Variants in PLEKHH1 observed in about 807,000 individuals in gnomAD.
The protein encoded by PLEKHH1 is pleckstrin homology domain-containing family H member 1.
In PLEKHH1, 104 loss-of-function variants were observed where a neutral mutation model predicts 160.0. The observed-to-expected ratio is 0.65, with a 90% CI of 0.55 to 0.76. The LOEUF (loss-of-function observed/expected upper bound fraction) is 0.76. Among genes scored for constraint, PLEKHH1 ranks in the 30% least tolerant of loss-of-function variants. The pLI, the probability that PLEKHH1 is intolerant of heterozygous loss-of-function variation, is 0.00. For missense variants in PLEKHH1, 1,427 were observed against 1,724.1 expected (o/e 0.83, Z 3.05); for synonymous variants, 619 against 678.4 (o/e 0.91, Z 1.36).
rs557290101 is a variant in PLEKHH1, at chr14:67,576,936, C to T, written c.2462-366C>T. 2.0e-5 allele frequency among the ~76,000 whole-genome samples: 3 copies of T among 152,280 alleles called. No individual in the cohort carries two copies. In the South Asian group the frequency reaches 6.2e-4, roughly 32 times the overall value. On this transcript the variant is annotated intron_variant, in intron 17 of 28. Coordinates refer to ENST00000329153, the MANE Select transcript of PLEKHH1 (RefSeq NM_020715.3). This position sits in a 1 kb window ranked among gnomAD's most constrained non-coding sequence, Gnocchi z 4.0. Reference sequence around the variant, plus strand: ...AGGAACTAATTAATGGCATATACCACACACACCCCTTTACTACTGCTCTGA... The same window carrying T: ...AGGAACTAATTAATGGCATATACCATACACACCCCTTTACTACTGCTCTGA...
chr14:67,563,797 G>A (rs1182420612), intron 7 of PLEKHH1, among the ~76,000 whole-genome samples: 6 of 149,016 alleles, frequency 4.0e-5, no homozygotes, highest in African/African-American at 1.5e-4. Flanking sequence ...GCAGTAGCAC[G>A]GTCTCGGCTC....
At position 67,552,479 on chromosome 14, in the gene PLEKHH1, A is replaced by G. The variant is rs141133361; in HGVS notation, c.127-3346A>G. ...CAAGTGTCCTTGCAGGGTGGATAAGAAGGACTGGCTGGGTGCGGTGGCTCA... is the reference window on the plus strand; with the variant it reads ...CAAGTGTCCTTGCAGGGTGGATAAGGAGGACTGGCTGGGTGCGGTGGCTCA... On this transcript the variant is annotated intron_variant, in intron 2 of 28. Coordinates refer to ENST00000329153, the MANE Select transcript of PLEKHH1 (RefSeq NM_020715.3). Among the ~76,000 whole-genome samples, 1,401 of 152,316 alleles carry G rather than the reference A, an allele frequency of 9.2e-3. 27 individuals are homozygous for G. The highest frequency in any genetic ancestry group is 0.032 in the African/African-American group (1,346 of 41,570).
chr14:67,579,985 C>T lies in PLEKHH1; in HGVS notation c.3183+109C>T, dbSNP rs2035815302. ...TGACTGTTTGGTAGCTCATTTGGTG[C>T]TGAGCCCAAGGTGCTGCCCTAGTCA... On this transcript the variant is annotated intron_variant, in intron 22 of 28. Coordinates refer to ENST00000329153, the MANE Select transcript of PLEKHH1 (RefSeq NM_020715.3). 2.8e-6 allele frequency: 3 copies of T among 1,083,336 alleles called. No homozygotes were observed. In the African/African-American group the frequency reaches 4.7e-5, roughly 17 times the overall value. The allele number at this position is 1,083,336 out of a possible 1,614,324, so 67.1% of individuals were successfully genotyped here. A position where few individuals can be genotyped will look rare whatever the true frequency, so the allele number is the denominator to read the frequency against.
chr14:67,555,237 A>T (rs1350876047), intron 2 of PLEKHH1, among the ~76,000 whole-genome samples: 1 of 152,206 alleles, frequency 6.6e-6, no homozygotes, highest in African/African-American at 2.4e-5. Flanking sequence ...GAATTTTGAA[A>T]AATGTATCTT....
At chr14:67,555,787 A>G (rs776581937) in intron 2 of PLEKHH1, 38 bp from the exon 3 acceptor site, 2 of 1,610,280 alleles carry the variant, frequency 1.2e-6, no homozygotes, top group Admixed American at 1.7e-5. Flanking sequence ...CAGTAGGGAC[A>G]TGGCACCTAC....
Position 67,582,262 on chromosome 14 carries a change from T to G in PLEKHH1, c.3426+52T>G. 6.2e-7 allele frequency: 1 copy of G among 1,611,842 alleles called. No homozygotes were observed. The highest frequency in any genetic ancestry group is 8.5e-7 in the Non-Finnish European group (1 of 1,179,500). On this transcript the variant is annotated intron_variant, in intron 24 of 28. Transcript: ENST00000329153. This position sits in a 1 kb window ranked among gnomAD's most constrained non-coding sequence, Gnocchi z 5.0. Reference sequence around the variant, plus strand: ...GGTCGGGTTGCCAGCTTAGAATGAATGCACCATGCAGCCTGAAACACAGGA... The same window carrying G: ...GGTCGGGTTGCCAGCTTAGAATGAAGGCACCATGCAGCCTGAAACACAGGA...
In PLEKHH1 at chr14:67,588,728, GTA is replaced by G. The variant is rs2036271257; in HGVS notation, c.*1497_*1498del. 1 of 152,564 alleles carries G rather than the reference GTA, an allele frequency of 6.6e-6. No homozygotes were observed. The highest frequency in any genetic ancestry group is 1.9e-4 in the East Asian group (1 of 5,198). The allele number at this position is 152,564 out of a possible 1,614,324, so 9.5% of individuals were successfully genotyped here. A position where few individuals can be genotyped will look rare whatever the true frequency, so the allele number is the denominator to read the frequency against. On this transcript the variant is annotated 3_prime_UTR_variant, in exon 29 of 29. Coordinates refer to ENST00000329153, the MANE Select transcript of PLEKHH1 (RefSeq NM_020715.3). ...ATATGTCAGTAAAGTGCTGAAAACTGTATATTTAGCAGTAGCACCCAAAACCA... is the reference window on the plus strand; with the variant it reads ...ATATGTCAGTAAAGTGCTGAAAACTGTATTTAGCAGTAGCACCCAAAACCA...
chr14:67,557,918 G>C (rs2034659603), intron 4 of PLEKHH1, among the ~76,000 whole-genome samples: 1 of 152,222 alleles, frequency 6.6e-6, no homozygotes, highest in African/African-American at 2.4e-5. Context: ...GAGCTGCACA[G>C]AGCTGGATGG....
At chr14:67,569,414 C>T (rs1218904365) in intron 8 of PLEKHH1, among the ~76,000 whole-genome samples, 198 bp downstream of exon 8, 1 of 152,202 alleles carries the variant, frequency 6.6e-6, no homozygotes, top group African/African-American at 2.4e-5. Flanking sequence ...AGGTTCAGCC[C>T]ATCACAGGAA....
intron 1 of PLEKHH1, among the ~76,000 whole-genome samples, chr14:67,541,505 GA>G (rs1458101829): frequency 6.6e-6 from 1 of 152,236 alleles, no homozygotes; most frequent in Non-Finnish European, 1.5e-5. Flanking sequence ...CTGTTTAATG[GA>G]TAAGTTTGTT....
chr14:67,589,542 G>A lies in PLEKHH1; in HGVS notation c.*2307G>A, dbSNP rs1337481998. 1.0e-6 allele frequency: 1 copy of A among 985,360 alleles called. No homozygotes were observed. Among genetic ancestry groups the A allele is most frequent in the Non-Finnish European group, 1.2e-6 (1 of 829,870 alleles). The allele number at this position is 985,360 out of a possible 1,614,324, so 61.0% of individuals were successfully genotyped here. A position where few individuals can be genotyped will look rare whatever the true frequency, so the allele number is the denominator to read the frequency against. ...AGCTATCTGTGAACCAGGTAACTGT[G>A]TGTTTTGGAAGATCTGTTTATTAAC... is the stretch of plus-strand genomic sequence containing the variant. On this transcript the variant is annotated 3_prime_UTR_variant, in exon 29 of 29. Coordinates refer to ENST00000329153, the MANE Select transcript of PLEKHH1 (RefSeq NM_020715.3).
At position 67,578,360 on chromosome 14, in the gene PLEKHH1, G is replaced by T. The variant is rs1447318983; in HGVS notation, c.2751+161G>T. ...AGTACGGCTGAGCTGTCTATGCACA[G>T]ATGGGTGATTGCATTCTGGACACAG... On this transcript the variant is annotated intron_variant, in intron 19 of 28. Coordinates refer to ENST00000329153, the MANE Select transcript of PLEKHH1 (RefSeq NM_020715.3). This position sits in a 1 kb window ranked among gnomAD's most constrained non-coding sequence, Gnocchi z 5.0. Among the ~76,000 whole-genome samples the T allele has an allele frequency of 6.6e-6, 1 of 152,212 alleles. No individual in the cohort carries two copies. The highest frequency in any genetic ancestry group is 1.5e-5 in the Non-Finnish European group (1 of 68,038).
At chr14:67,533,594 G>T (rs1411037516) in intron 1 of PLEKHH1, 196 bp downstream of exon 1, 2 of 152,148 alleles carry the variant, frequency 1.3e-5, no homozygotes, top group Non-Finnish European at 2.9e-5. Context: ...CGCCCCAGGG[G>T]ACTCGCGCCG....
At chr14:67,570,133 G>A in intron 9 of PLEKHH1, 121 bp downstream of exon 9, 2 of 763,662 alleles carry the variant, frequency 2.6e-6, no homozygotes, top group East Asian at 2.7e-5. Flanking sequence ...TGCCCAGGGA[G>A]CTGAGCCCAG....
Position 67,573,536 on chromosome 14 carries a change from A to G in PLEKHH1, c.1839+150A>G, listed in dbSNP as rs2035484148. 3.1e-6 allele frequency: 2 copies of G among 648,108 alleles called. No individual in the cohort carries two copies. Among genetic ancestry groups the G allele is most frequent in the South Asian group, 1.9e-5 (1 of 52,430 alleles). 40.1% of individuals were successfully genotyped at this position (648,108 alleles called of 1,614,324 possible). A position where few individuals can be genotyped will look rare whatever the true frequency, so the allele number is the denominator to read the frequency against. On this transcript the variant is annotated intron_variant, in intron 12 of 28. Transcript: ENST00000329153. This position sits in a 1 kb window ranked among gnomAD's most constrained non-coding sequence, Gnocchi z 4.8. ...GAGAGGCAACCTCACTGGGCCCCTG[A>G]GGCTTTGAGCCACACTTGGGGACCT... is the stretch of plus-strand genomic sequence containing the variant.
At chr14:67,563,841 C>T (rs1009615667) in intron 7 of PLEKHH1, among the ~76,000 whole-genome samples, 3 of 149,516 alleles carry the variant, frequency 2.0e-5, no homozygotes, top group Non-Finnish European at 4.4e-5. Flanking sequence ...TCAAGTGGTA[C>T]TCCCACCTCA....
intron 4 of PLEKHH1, among the ~76,000 whole-genome samples, 157 bp downstream of exon 4, chr14:67,557,575 C>G (rs1435588692): frequency 6.6e-6 from 1 of 152,248 alleles, no homozygotes; most frequent in African/African-American, 2.4e-5. Flanking sequence ...ATAGGAAGGA[C>G]TGTTCCTCCC....
At chr14:67,542,148 C>T (rs1338694410) in intron 2 of PLEKHH1, among the ~76,000 whole-genome samples, 155 bp downstream of exon 2, 1 of 152,148 alleles carries the variant, frequency 6.6e-6, no homozygotes, top group Non-Finnish European at 1.5e-5. Context: ...AGACCAAAGT[C>T]CGAGCAGTTT....
At position 67,578,784 on chromosome 14, in the gene PLEKHH1, A is replaced by G. The variant is rs74966358; in HGVS notation, c.2849+153A>G. Among the ~76,000 whole-genome samples the G allele has an allele frequency of 6.6e-6, 1 of 152,100 alleles. No homozygotes were observed. The highest frequency in any genetic ancestry group is 1.9e-4 in the East Asian group (1 of 5,190). ...GACTTCACCCATTGCCGTGTGCACA[A>G]ATGGGCACGTGTGGATCTGGGCATG... On this transcript the variant is annotated intron_variant, in intron 20 of 28. Coordinates refer to ENST00000329153, the MANE Select transcript of PLEKHH1 (RefSeq NM_020715.3). The surrounding 1 kb of genome is among the most constrained non-coding windows in gnomAD (Gnocchi z 5.0).
Sources: allele counts gnomAD v4.1 joint callset (sites outside exome capture counted in the v4.1 genomes callset), GRCh38; gene constraint gnomAD v4.1.1; non-coding constraint Gnocchi (gnomAD v3.1); transcripts MANE v1.5; gene names NCBI Gene and HGNC (gene_info 2026-07-23, HGNC 2026-07-21).